METAP1D: variants seen among roughly 807,000 people sequenced by gnomAD.
METAP1D encodes methionyl aminopeptidase type 1D, mitochondrial.
A neutral mutation model predicts 40.5 loss-of-function variants in METAP1D; 31 were observed. The ratio of observed to expected loss-of-function variants is 0.77; its 90% confidence interval spans 0.58 to 1.03. The LOEUF (loss-of-function observed/expected upper bound fraction) is 1.03. Among genes scored for constraint, METAP1D ranks in the 50% least tolerant of loss-of-function variants. The pLI is 0.00. For synonymous variants in METAP1D, 151 were observed against 146.4 expected (o/e 1.03, Z -0.22); for missense variants, 411 against 420.7 (o/e 0.98, Z 0.20).
chr2:172,017,497 T>A (rs1688902552), intron 1 of METAP1D, among the ~76,000 whole-genome samples: 1 of 151,834 alleles, frequency 6.6e-6, no homozygotes, highest in East Asian at 1.9e-4. Flanking sequence ...TCCCTCAGGG[T>A]AAGGACTGTG....
intron 7 of METAP1D, 127 bp from the exon 8 acceptor site, chr2:172,079,088 C>A: frequency 3.3e-6 from 3 of 902,320 alleles, no homozygotes; most frequent in Non-Finnish European, 5.1e-6. Flanking sequence ...AATCTCCACC[C>A]TTCCTTCTCT....
At chr2:172,047,764 A>G (rs1689794985) in intron 1 of METAP1D, among the ~76,000 whole-genome samples, 1 of 152,144 alleles carries the variant, frequency 6.6e-6, no homozygotes, top group South Asian at 2.1e-4. Flanking sequence ...CTAACTCTTA[A>G]AATTGTTTGT....
At position 172,043,163 on chromosome 2, in the gene METAP1D, A is replaced by T. The variant is rs1263392732; in HGVS notation, c.41-18335A>T. 8.5e-5 allele frequency among the ~76,000 whole-genome samples: 11 copies of T among 128,864 alleles called. 1 individual carries two copies. Among genetic ancestry groups the T allele is most frequent in the African/African-American group, 2.1e-4 (8 of 38,630 alleles). The allele number at this position is 128,864 out of a possible 152,430, so 84.5% of individuals were successfully genotyped here. On this transcript the variant is annotated intron_variant, in intron 1 of 9. Transcript: ENST00000315796. Reference sequence around the variant, plus strand: ...CACTTTGTTCCCCAGGCTGGTCTCAAACTCCTGAGCTCAAGCAATCTTCCC... The same window carrying T: ...CACTTTGTTCCCCAGGCTGGTCTCATACTCCTGAGCTCAAGCAATCTTCCC...
At chr2:172,024,561 G>T (rs1291892466) in intron 1 of METAP1D, among the ~76,000 whole-genome samples, 1 of 152,008 alleles carries the variant, frequency 6.6e-6, no homozygotes, top group Non-Finnish European at 1.5e-5. Flanking sequence ...CTTCCTACAT[G>T]TAATCTTCAC....
chr2:172,059,468 A>G (rs904704102), intron 1 of METAP1D, among the ~76,000 whole-genome samples: 4 of 152,180 alleles, frequency 2.6e-5, no homozygotes, highest in African/African-American at 4.8e-5. Flanking sequence ...GCTCTGTGGA[A>G]CATGTGTTCA....
intron 1 of METAP1D, among the ~76,000 whole-genome samples, chr2:172,001,168 G>C (rs1688452562): frequency 6.6e-6 from 1 of 151,828 alleles, no homozygotes; most frequent in Non-Finnish European, 1.5e-5. Flanking sequence ...CTCATTTCTC[G>C]GTACTGCATG....
chr2:172,022,267 G>A (rs925844385), intron 1 of METAP1D, among the ~76,000 whole-genome samples: 1 of 152,104 alleles, frequency 6.6e-6, no homozygotes, highest in Non-Finnish European at 1.5e-5. Context: ...AATGTCTTCC[G>A]GCATTCACAT....
intron 1 of METAP1D, among the ~76,000 whole-genome samples, chr2:172,023,565 A>G (rs1228201040): frequency 3.3e-5 from 5 of 152,216 alleles, no homozygotes; most frequent in Non-Finnish European, 7.3e-5. Context: ...ACACCAGTAC[A>G]TGCATTCGTC....
chr2:172,020,487 G>A (rs1341415153), intron 1 of METAP1D, among the ~76,000 whole-genome samples: 2 of 152,310 alleles, frequency 1.3e-5, no homozygotes, highest in South Asian at 4.1e-4. Flanking sequence ...AGGTAGATAA[G>A]TAGAAATAAG....
chr2:172,062,615 G>T (rs2105476873), intron 2 of METAP1D, among the ~76,000 whole-genome samples: 1 of 152,276 alleles, frequency 6.6e-6, no homozygotes, highest in Non-Finnish European at 1.5e-5. Flanking sequence ...AAGAACACAG[G>T]CTCTTTGGGG....
At chr2:172,033,074 A>G (rs1376531194) in intron 1 of METAP1D, among the ~76,000 whole-genome samples, 2 of 151,916 alleles carry the variant, frequency 1.3e-5, no homozygotes, top group Non-Finnish European at 1.5e-5. Flanking sequence ...AAATAAATAA[A>G]TAAATAAATA....
At position 172,044,430 on chromosome 2, in the gene METAP1D, AAAAC is replaced by A. The variant is rs561844058; in HGVS notation, c.41-17060_41-17057del. ...AAAAAAAAAAAAAAAAAAAAAACCC[AAAAC>A]AAACAAAAAACCTAGCTGGGCGTGG... On this transcript the variant is annotated intron_variant, in intron 1 of 9. Coordinates refer to ENST00000315796, the MANE Select transcript of METAP1D (RefSeq NM_199227.3). Among the ~76,000 whole-genome samples, 443 of 122,838 alleles carry A rather than the reference AAAAC, an allele frequency of 3.6e-3. 91 individuals are homozygous for A. Among genetic ancestry groups the A allele is most frequent in the Non-Finnish European group, 6.8e-3 (361 of 53,156 alleles). 80.6% of individuals were successfully genotyped at this position (122,838 alleles called of 152,430 possible).
intron 5 of METAP1D, 79 bp from the exon 6 acceptor site, chr2:172,070,828 C>T: frequency 8.4e-7 from 1 of 1,194,118 alleles, no homozygotes; most frequent in African/African-American, 1.5e-5. Context: ...CTACTAAATA[C>T]ATAAATGAAT....
At chr2:172,063,373 A>G (rs1394867656) in intron 2 of METAP1D, among the ~76,000 whole-genome samples, 1 of 152,190 alleles carries the variant, frequency 6.6e-6, no homozygotes, top group Non-Finnish European at 1.5e-5. Flanking sequence ...GCTTGGTGCT[A>G]TTTTTCATCA....
chr2:172,036,594 T>C (rs1689393932), intron 1 of METAP1D, among the ~76,000 whole-genome samples: 1 of 151,730 alleles, frequency 6.6e-6, no homozygotes, highest in Non-Finnish European at 1.5e-5. Context: ...CTCGATCTCC[T>C]GACCTCGTGA....
At chr2:172,037,957 C>T (rs1689434535) in intron 1 of METAP1D, among the ~76,000 whole-genome samples, 1 of 152,174 alleles carries the variant, frequency 6.6e-6, no homozygotes, top group South Asian at 2.1e-4. Context: ...GGGGCTGGTA[C>T]AGCTATTACA....
chr2:172,063,483 T>C (rs1690180360), intron 2 of METAP1D, among the ~76,000 whole-genome samples: 1 of 152,110 alleles, frequency 6.6e-6, no homozygotes, highest in Non-Finnish European at 1.5e-5. Flanking sequence ...ACTCAAAGCA[T>C]GGTAAGGTTA....
intron 7 of METAP1D, among the ~76,000 whole-genome samples, 155 bp from the exon 8 acceptor site, chr2:172,079,060 A>C (rs1256926971): frequency 6.6e-6 from 1 of 152,168 alleles, no homozygotes; most frequent in African/African-American, 2.4e-5. Flanking sequence ...ACTCCTGGTC[A>C]CTATCCAGGA....
At chr2:172,016,116 GA>G (rs1213016010) in intron 1 of METAP1D, among the ~76,000 whole-genome samples, 56 of 136,394 alleles carry the variant, frequency 4.1e-4, no homozygotes, top group East Asian at 8.3e-4. Flanking sequence ...AACAAAAAAA[GA>G]AAAAAAAAAT....
Sources: gnomAD v4.1 joint callset for allele counts (sites outside exome capture counted in the v4.1 genomes callset) on GRCh38, gnomAD v4.1.1 for gene constraint, MANE v1.5 for transcripts, NCBI Gene and HGNC (gene_info 2026-07-23, HGNC 2026-07-21) for gene names.